PAX8: variants seen among roughly 807,000 people sequenced by gnomAD.
The protein encoded by PAX8 is paired box 8.
Under a neutral mutation model 52.4 loss-of-function variants are expected in PAX8, and 15 were observed. The ratio of observed to expected loss-of-function variants is 0.29; its 90% CI spans 0.19 to 0.44. PAX8 has a LOEUF of 0.44. PAX8 is among the 20% of genes least tolerant of loss of function. The probability of loss-of-function intolerance (pLI) is 1.00; values close to 1 mark genes in which losing one functional copy is unlikely to be tolerated. For synonymous variants in PAX8, 284 were observed against 249.7 expected (o/e 1.14, Z -1.29); for missense variants, 554 against 602.5 (o/e 0.92, Z 0.84).
chr2:113,256,988 C>T (rs984251015), intron 2 of PAX8, among the ~76,000 whole-genome samples: 4 of 152,162 alleles, frequency 2.6e-5, no homozygotes, highest in African/African-American at 9.7e-5. Flanking sequence ...CCATAACAGG[C>T]ACTGTTCCAG....
At chr2:113,235,642 G>A in intron 8 of PAX8, 60 bp from the exon 9 acceptor site, 2 of 1,400,400 alleles carry the variant, frequency 1.4e-6, no homozygotes. Flanking sequence ...GAGGGAACAC[G>A]CACAAGCCAA....
chr2:113,256,025 C>T, intron 2 of PAX8, among the ~76,000 whole-genome samples: 1 of 151,572 alleles, frequency 6.6e-6, no homozygotes, highest in East Asian at 1.9e-4. Context: ...CTCCAGTTCT[C>T]ATTGTCAAGG....
chr2:113,239,068 C>G (rs62160786), intron 7 of PAX8: 1 of 135,392 alleles, frequency 7.4e-6, no homozygotes, highest in African/African-American at 2.7e-5. Context: ...CTTCCCCCTG[C>G]CCTTTTTTTT....
chr2:113,277,427 C>T (rs531137452), intron 2 of PAX8, among the ~76,000 whole-genome samples: 1 of 152,290 alleles, frequency 6.6e-6, no homozygotes, highest in African/African-American at 2.4e-5. Context: ...GTTTGCAGAG[C>T]GGGACATCAT....
At chr2:113,250,182 G>A (rs548613428) in intron 2 of PAX8, among the ~76,000 whole-genome samples, 1 of 150,090 alleles carries the variant, frequency 6.7e-6, no homozygotes, top group Non-Finnish European at 1.5e-5. Context: ...CAGGAGAATG[G>A]CATGAACCCG....
chr2:113,249,254 C>G (rs976175790), intron 2 of PAX8, among the ~76,000 whole-genome samples: 2 of 152,238 alleles, frequency 1.3e-5, no homozygotes, highest in Non-Finnish European at 2.9e-5. Flanking sequence ...TTCCTCTGGT[C>G]CTCACTGGCC....
At chr2:113,222,313 A>T (rs1689318810) in intron 10 of PAX8, among the ~76,000 whole-genome samples, 1 of 152,226 alleles carries the variant, frequency 6.6e-6, no homozygotes, top group Admixed American at 6.5e-5. Context: ...AGGACAAGGG[A>T]GAGAGGTGGA....
rs531702671 is a variant in PAX8 at position 113,232,415 on chromosome 2, A to G, written c.1087+2979T>C. On this transcript the variant is annotated intron_variant, in intron 9 of 11. Transcript: ENST00000429538. ...AACCCTTGGGCTAGGGGGCCCTGTG[A>G]CCAGCCAGCAACCTTCAAAGTGCTC... Among the ~76,000 whole-genome samples the G allele has an allele frequency of 9.2e-5, 14 of 152,322 alleles. 1 individual carries two copies. The highest frequency in any genetic ancestry group is 3.1e-4 in the African/African-American group (13 of 41,564).
chr2:113,258,766 C>G (rs547252118), intron 2 of PAX8, among the ~76,000 whole-genome samples: 5 of 152,246 alleles, frequency 3.3e-5, no homozygotes, highest in African/African-American at 9.6e-5. Context: ...GGTCTACCCC[C>G]CTCTCTCTTC....
chr2:113,253,354 C>T (rs1304251264), intron 2 of PAX8, among the ~76,000 whole-genome samples: 3 of 152,164 alleles, frequency 2.0e-5, no homozygotes, highest in Admixed American at 1.3e-4. Context: ...TCAGGTCCTT[C>T]CCCCAACTTT....
chr2:113,269,628 G>C (rs898229949), intron 2 of PAX8: 22 of 152,146 alleles, frequency 1.4e-4, no homozygotes, highest in Admixed American at 1.4e-3. Context: ...TGTCAACCAG[G>C]GTTTGCTATC....
At position 113,241,576 on chromosome 2, in the gene PAX8, G is replaced by T. The variant is rs891816647; in HGVS notation, c.752C>A (p.Ser251Tyr). The T allele has an allele frequency of 6.8e-6, 11 of 1,610,780 alleles. No homozygotes were observed. The highest frequency in any genetic ancestry group is 9.3e-6 in the Non-Finnish European group (11 of 1,179,288). ...CTGCTCGCCTTTGGTGTGGCTGGGG[G>T]AGGCATAGGCCTCTGGGTAGTGCTG... is the stretch of plus-strand genomic sequence containing the variant. The part of the protein sequence containing the change: ...ERQHYPEAYA[S>Y]PSHTKGEQGL... Residue 251 changes from serine to tyrosine, a missense_variant, in exon 7 of 12, where the codon TCC (serine) becomes TAC (tyrosine). Coordinates refer to ENST00000429538, the MANE Select transcript of PAX8 (RefSeq NM_003466.4).
chr2:113,251,590 G>C (rs1374766821), intron 2 of PAX8, among the ~76,000 whole-genome samples: 1 of 152,144 alleles, frequency 6.6e-6, no homozygotes, highest in Non-Finnish European at 1.5e-5. Context: ...GTACAGTAAA[G>C]GGATTGGAGC....
intron 2 of PAX8, among the ~76,000 whole-genome samples, chr2:113,262,327 T>C (rs1448527239): frequency 6.6e-6 from 1 of 152,154 alleles, no homozygotes; most frequent in Non-Finnish European, 1.5e-5. Context: ...TTTCTAAGTG[T>C]TGAACCTGGA....
chr2:113,239,227 C>T (rs551563422), intron 7 of PAX8: 67 of 152,308 alleles, frequency 4.4e-4, no homozygotes, highest in African/African-American at 1.6e-3. Context: ...GCCACCAGGC[C>T]TGGCTAATTT....
intron 9 of PAX8, among the ~76,000 whole-genome samples, chr2:113,234,806 C>T (rs996466152): frequency 1.3e-5 from 2 of 152,242 alleles, no homozygotes; most frequent in African/African-American, 4.8e-5. Flanking sequence ...GGGTGAGCCA[C>T]CTCGCCCGGT....
At chr2:113,218,671 G>A (rs1216923377) in intron 11 of PAX8, 62 bp from the exon 12 acceptor site, 4 of 1,042,464 alleles carry the variant, frequency 3.8e-6, no homozygotes, top group Non-Finnish European at 5.8e-6. Context: ...TTGCACCATA[G>A]CCTTCCCTGC....
chr2:113,225,406 A>G (rs1689503785), intron 10 of PAX8, among the ~76,000 whole-genome samples: 1 of 152,218 alleles, frequency 6.6e-6, no homozygotes. Context: ...TTTTTCCACA[A>G]AAAAATTTCC....
chr2:113,256,801 C>A lies in PAX8; in HGVS notation c.26-9882G>T, dbSNP rs568606960. 2.0e-5 allele frequency among the ~76,000 whole-genome samples: 3 copies of A among 152,176 alleles called. No homozygotes were observed. In the South Asian group the frequency reaches 6.2e-4, roughly 32 times the overall value. On this transcript the variant is annotated intron_variant, in intron 2 of 11. Coordinates refer to ENST00000429538, the MANE Select transcript of PAX8 (RefSeq NM_003466.4). ...AGAGAGTCAGAAACCCCTGCTTCAC[C>A]TCTGACTAACTTATTACTTTGGCAT...
Sources: gnomAD v4.1 joint callset for allele counts (sites outside exome capture counted in the v4.1 genomes callset) on GRCh38, gnomAD v4.1.1 for gene constraint, MANE v1.5 for transcripts, NCBI Gene and HGNC (gene_info 2026-07-23, HGNC 2026-07-21) for gene names.